Variants in KLHL1 observed in about 807,000 individuals in gnomAD.
The protein encoded by KLHL1 is kelch like family member 1.
Under a neutral mutation model 77.7 loss-of-function variants are expected in KLHL1, and 47 were observed. The ratio of observed to expected loss-of-function variants is 0.60; its 90% CI spans 0.48 to 0.77. The LOEUF is 0.77. Among genes scored for constraint, KLHL1 ranks in the 30% least tolerant of loss-of-function variants. The pLI, the probability that KLHL1 is intolerant of heterozygous loss-of-function variation, is 0.00. For synonymous variants in KLHL1, 360 were observed against 325.2 expected (o/e 1.11, Z -1.15); for missense variants, 925 against 910.8 (o/e 1.02, Z -0.20).
At chr13:69,870,322 C>A (rs1011345042) in intron 5 of KLHL1, among the ~76,000 whole-genome samples, 2 of 152,012 alleles carry the variant, frequency 1.3e-5, no homozygotes, top group Admixed American at 1.3e-4. Flanking sequence ...ACTAATAGAG[C>A]AATAACTCAC....
intron 5 of KLHL1, among the ~76,000 whole-genome samples, chr13:69,867,721 A>G (rs1158220026): frequency 3.3e-5 from 5 of 151,856 alleles, no homozygotes; most frequent in African/African-American, 1.2e-4. Flanking sequence ...AATTATCACA[A>G]TAGTACCTTT....
At chr13:69,871,708 T>C (rs77035429) in intron 5 of KLHL1, among the ~76,000 whole-genome samples, 2,996 of 151,632 alleles carry the variant, frequency 0.02, 96 homozygotes, top group African/African-American at 0.067. Flanking sequence ...CCCCAGAACA[T>C]GGACACAATT....
At chr13:69,778,149 T>C (rs938932663) in intron 7 of KLHL1, among the ~76,000 whole-genome samples, 4 of 152,148 alleles carry the variant, frequency 2.6e-5, no homozygotes, top group African/African-American at 9.6e-5. Context: ...GAGGTTGCTA[T>C]AAAATTTGCA....
intron 8 of KLHL1, among the ~76,000 whole-genome samples, chr13:69,736,360 G>A (rs1238640488): frequency 6.6e-6 from 1 of 152,090 alleles, no homozygotes; most frequent in Non-Finnish European, 1.5e-5. Flanking sequence ...ACTCTTGCAA[G>A]AATGGTCATA....
At chr13:70,037,009 C>G (rs751076499) in intron 1 of KLHL1, among the ~76,000 whole-genome samples, 1 of 151,806 alleles carries the variant, frequency 6.6e-6, no homozygotes, top group Non-Finnish European at 1.5e-5. Flanking sequence ...TTGTCTCATT[C>G]TAGTCACTCT....
chr13:69,905,589 T>C (rs979310374), intron 4 of KLHL1, among the ~76,000 whole-genome samples: 1 of 152,104 alleles, frequency 6.6e-6, no homozygotes. Flanking sequence ...CTTGAATTCC[T>C]GCCAACTGCA....
chr13:69,905,147 T>C (rs1882004709), intron 4 of KLHL1, among the ~76,000 whole-genome samples: 1 of 152,170 alleles, frequency 6.6e-6, no homozygotes, highest in African/African-American at 2.4e-5. Flanking sequence ...TAGATTATGT[T>C]TGTCATAAAT....
intron 7 of KLHL1, among the ~76,000 whole-genome samples, chr13:69,776,758 G>A (rs997608173): frequency 6.6e-6 from 1 of 152,038 alleles, no homozygotes; most frequent in Non-Finnish European, 1.5e-5. Context: ...CAATAAATTA[G>A]CATTCAAAAT....
intron 7 of KLHL1, among the ~76,000 whole-genome samples, chr13:69,766,865 G>A (rs1875330211): frequency 6.6e-6 from 1 of 152,140 alleles, no homozygotes; most frequent in Non-Finnish European, 1.5e-5. Context: ...TGCAAACCTG[G>A]ACAAGCCTGA....
rs529030535 is a variant in KLHL1 at position 69,794,306 on chromosome 13, G to T, written c.1639+2432C>A. Among the ~76,000 whole-genome samples the T allele has an allele frequency of 6.6e-5, 10 of 152,224 alleles. No individual in the cohort carries two copies. In the East Asian group the frequency reaches 7.7e-4, roughly 12 times the overall value. On this transcript the variant is annotated intron_variant, in intron 7 of 10. Transcript: ENST00000377844. ...CAGCTACTCCTGATTGTTTTGATAAGACACAAAAACGTATCATATGCCTTA... is the reference window on the plus strand; with the variant it reads ...CAGCTACTCCTGATTGTTTTGATAATACACAAAAACGTATCATATGCCTTA...
At position 70,107,595 on chromosome 13, in the gene KLHL1, T is replaced by TC. The variant is rs749011008; in HGVS notation, c.104dup (p.Gly36ArgfsTer12). On this transcript the variant is annotated frameshift_variant, in exon 1 of 11. Coordinates refer to ENST00000377844, the MANE Select transcript of KLHL1 (RefSeq NM_020866.3). LOFTEE classifies it high-confidence loss of function. ...CACTGCCGTCCTGTTGCAGGCAGCC[T>TC]CCCCCCGCCGGGCCGCCGGTGGAAG... 1.9e-6 allele frequency: 3 copies of TC among 1,596,510 alleles called. No individual in the cohort carries two copies. The highest frequency in any genetic ancestry group is 8.5e-7 in the Non-Finnish European group (1 of 1,171,552).
intron 7 of KLHL1, among the ~76,000 whole-genome samples, chr13:69,776,274 A>C (rs1875825528): frequency 6.6e-6 from 1 of 152,244 alleles, no homozygotes; most frequent in African/African-American, 2.4e-5. Flanking sequence ...TGAACTTGAT[A>C]TATTGCTAGA....
Position 69,908,219 on chromosome 13 carries a change from A to G in KLHL1, c.1015-25724T>C, listed in dbSNP as rs181919234. On this transcript the variant is annotated intron_variant, in intron 4 of 10. Transcript: ENST00000377844. Reference sequence around the variant, plus strand: ...TTTGTAAGAGAAGAGAAGAGACGCCAGAACCATGGGGGTTAGTGTGGAATG... The same window carrying G: ...TTTGTAAGAGAAGAGAAGAGACGCCGGAACCATGGGGGTTAGTGTGGAATG... Among the ~76,000 whole-genome samples the G allele has an allele frequency of 8.6e-5, 13 of 151,952 alleles. No individual in the cohort carries two copies. The East Asian group carries it at 2.5e-3, about 29-fold the overall frequency.
At chr13:69,885,768 G>C (rs369856496) in intron 4 of KLHL1, among the ~76,000 whole-genome samples, 1 of 152,074 alleles carries the variant, frequency 6.6e-6, no homozygotes, top group Non-Finnish European at 1.5e-5. Context: ...GATAATCATC[G>C]TGAGGACAAA....
intron 6 of KLHL1, among the ~76,000 whole-genome samples, chr13:69,802,021 C>T (rs762670763): frequency 6.6e-6 from 1 of 152,062 alleles, no homozygotes; most frequent in Admixed American, 6.6e-5. Context: ...CCCTTGCCCC[C>T]CTACCCCCTG....
intron 1 of KLHL1, among the ~76,000 whole-genome samples, chr13:70,067,152 C>A (rs1197732836): frequency 6.6e-6 from 1 of 152,112 alleles, no homozygotes; most frequent in African/African-American, 2.4e-5. Flanking sequence ...AACAAGTATT[C>A]AATGTCAACC....
intron 4 of KLHL1, among the ~76,000 whole-genome samples, chr13:69,884,935 T>TTTTC (rs138544502): frequency 0.8 from 73,742 of 91,942 alleles, 30,746 homozygotes; most frequent in South Asian, 0.9. Context: ...TTTTCTTTTC[T>TTTTC]TTTTTTTTTT....
intron 1 of KLHL1, among the ~76,000 whole-genome samples, chr13:70,036,197 T>C (rs1044197879): frequency 3.3e-5 from 5 of 151,992 alleles, no homozygotes; most frequent in South Asian, 2.1e-4. Context: ...TAGGTGGATA[T>C]AGGGATTTTT....
rs34615852 is a variant in KLHL1 at position 69,837,646 on chromosome 13, G to GTA, written c.1414+1328_1414+1329dup. Among the ~76,000 whole-genome samples, 726 of 127,976 alleles carry GTA rather than the reference G, an allele frequency of 5.7e-3. 29 individuals are homozygous for GTA. The highest frequency in any genetic ancestry group is 0.02 in the African/African-American group (569 of 28,624). 84.0% of individuals were successfully genotyped at this position (127,976 alleles called of 152,430 possible). ...TATGTGTGTGTATATATATATATGT[G>GTA]TATATATATATGTGTGTGTGTGTGT... is the stretch of plus-strand genomic sequence containing the variant. On this transcript the variant is annotated intron_variant, in intron 6 of 10. Coordinates refer to ENST00000377844, the MANE Select transcript of KLHL1 (RefSeq NM_020866.3).
Sources: gnomAD v4.1 joint callset for allele counts (sites outside exome capture counted in the v4.1 genomes callset) on GRCh38, gnomAD v4.1.1 for gene constraint, MANE v1.5 for transcripts, NCBI Gene and HGNC (gene_info 2026-07-23, HGNC 2026-07-21) for gene names.